Variants in DAB1 observed in about 807,000 individuals in gnomAD.
The protein encoded by DAB1 is DAB adaptor protein 1.
DAB1 carries 15 observed loss-of-function variants against 64.6 expected under a neutral mutation model. The observed-to-expected ratio is 0.23, with a 90% CI of 0.16 to 0.36. The LOEUF (loss-of-function observed/expected upper bound fraction) is 0.36. Ranked by LOEUF, DAB1 falls within the 10% of genes least tolerant of loss-of-function variation. DAB1 has a pLI of 1.00. For synonymous variants in DAB1, 235 were observed against 251.9 expected, an observed-to-expected ratio of 0.93 and a Z score of 0.64; for missense variants, 596 against 706.7, an observed-to-expected ratio of 0.84 and a Z score of 1.78.
chr1:58,384,562 G>A (rs1411291464), intron 3 of DAB1, among the ~76,000 whole-genome samples: 2 of 152,208 alleles, frequency 1.3e-5, no homozygotes, highest in Non-Finnish European at 2.9e-5. Context: ...TATATATGAA[G>A]GGGAGTTTAT....
intron 5 of DAB1, among the ~76,000 whole-genome samples, chr1:58,021,735 T>C (rs1646818023): frequency 6.6e-6 from 1 of 152,070 alleles, no homozygotes; most frequent in African/African-American, 2.4e-5. Flanking sequence ...TGGAGGTAAA[T>C]GTAGATGTGG....
chr1:57,417,007 C>T (rs1446516024), intron 1 of DAB1, among the ~76,000 whole-genome samples: 4 of 151,962 alleles, frequency 2.6e-5, no homozygotes, highest in Admixed American at 6.6e-5. Flanking sequence ...ATTATATATA[C>T]AGTAATGAGC....
At chr1:57,562,092 G>C (rs1002485378) in intron 7 of DAB1, among the ~76,000 whole-genome samples, 4 of 152,234 alleles carry the variant, frequency 2.6e-5, no homozygotes, top group African/African-American at 9.6e-5. Context: ...AGTGTGGCAG[G>C]CCAGGTGCAG....
In DAB1 at chr1:57,695,376, G is replaced by GA. The variant is rs1402626835; in HGVS notation, n.552-45712dup. 9.4e-3 allele frequency among the ~76,000 whole-genome samples: 576 copies of GA among 61,320 alleles called. 3 individuals are homozygous for GA. The highest frequency in any genetic ancestry group is 0.015 in the Middle Eastern group (2 of 136). 40.2% of individuals were successfully genotyped at this position (61,320 alleles called of 152,430 possible). On this transcript the variant is annotated intron_variant and non_coding_transcript_variant, in intron 6 of 20. Transcript: ENST00000485760. Reference sequence around the variant, plus strand: ...AGAAAAGAAAGAAGAAAGAAAGAAAGAAAGAAAGAAAGAAAGAAAGAAAGA... The same window carrying GA: ...AGAAAAGAAAGAAGAAAGAAAGAAAGAAAAGAAAGAAAGAAAGAAAGAAAGA...
At chr1:58,507,637 T>C (rs1049115637) in intron 2 of DAB1, among the ~76,000 whole-genome samples, 8 of 151,972 alleles carry the variant, frequency 5.3e-5, no homozygotes, top group African/African-American at 1.2e-4. Flanking sequence ...CAAACATAAA[T>C]ATTATTCATG....
intron 4 of DAB1, among the ~76,000 whole-genome samples, chr1:58,270,336 T>C (rs1431977592): frequency 1.3e-5 from 2 of 148,522 alleles, no homozygotes; most frequent in African/African-American, 2.5e-5. Flanking sequence ...TAGTTGTAGA[T>C]ATGCGGCGTT....
At chr1:57,288,163 T>C (rs1170476317) in intron 2 of DAB1, among the ~76,000 whole-genome samples, 1 of 152,194 alleles carries the variant, frequency 6.6e-6, no homozygotes, top group Non-Finnish European at 1.5e-5. Context: ...TAATTGTTTA[T>C]CACTGTTTCA....
chr1:58,457,354 G>T (rs1459478111), intron 3 of DAB1, among the ~76,000 whole-genome samples: 1 of 152,116 alleles, frequency 6.6e-6, no homozygotes, highest in Non-Finnish European at 1.5e-5. Flanking sequence ...GACAGGCACG[G>T]TATTTCGGGG....
chr1:58,288,566 T>C (rs1007162041), intron 4 of DAB1, among the ~76,000 whole-genome samples: 1 of 152,234 alleles, frequency 6.6e-6, no homozygotes, highest in African/African-American at 2.4e-5. Context: ...CCCAGCCATA[T>C]GTACACAGTC....
At chr1:58,481,591 A>G (rs1645483362) in intron 3 of DAB1, among the ~76,000 whole-genome samples, 2 of 152,202 alleles carry the variant, frequency 1.3e-5, no homozygotes, top group South Asian at 2.1e-4. Context: ...AAAGATATAC[A>G]TAACTGATAC....
intron 1 of DAB1, among the ~76,000 whole-genome samples, chr1:57,320,582 C>T (rs747893552): frequency 5.9e-5 from 9 of 152,104 alleles, no homozygotes; most frequent in Non-Finnish European, 1.2e-4. Flanking sequence ...GGATCTCTTG[C>T]TCAGAGAGAA....
At chr1:57,111,605 A>G (rs1655663082) in intron 4 of DAB1, among the ~76,000 whole-genome samples, 2 of 152,150 alleles carry the variant, frequency 1.3e-5, no homozygotes, top group Non-Finnish European at 2.9e-5. Flanking sequence ...CAGAGACACC[A>G]TCCCTGTCTC....
At chr1:57,306,596 C>T (rs545625782) in intron 1 of DAB1, among the ~76,000 whole-genome samples, 1 of 150,058 alleles carries the variant, frequency 6.7e-6, no homozygotes, top group African/African-American at 2.5e-5. Context: ...CCCCCAGGCT[C>T]CTTGTCTGTT....
intron 1 of DAB1, among the ~76,000 whole-genome samples, chr1:57,292,383 G>A (rs1672845810): frequency 6.6e-6 from 1 of 152,048 alleles, no homozygotes; most frequent in African/African-American, 2.4e-5. Context: ...AAAAGGAAAT[G>A]GCCCAAATGA....
chr1:57,187,601 A>G (rs992694385), intron 2 of DAB1, among the ~76,000 whole-genome samples: 22 of 152,196 alleles, frequency 1.4e-4, no homozygotes, highest in African/African-American at 5.3e-4. Context: ...TGCATTTGCT[A>G]TCTTGTTCTT....
chr1:58,042,849 G>A (rs561027408), intron 5 of DAB1, among the ~76,000 whole-genome samples: 17 of 152,298 alleles, frequency 1.1e-4, no homozygotes, highest in South Asian at 2.1e-4. Context: ...TAAGTGAGGC[G>A]GAGGGGAGGC....
At chr1:57,139,197 T>C (rs1416188461) in intron 3 of DAB1, among the ~76,000 whole-genome samples, 1 of 151,568 alleles carries the variant, frequency 6.6e-6, no homozygotes, top group African/African-American at 2.4e-5. Context: ...TACCGGGAGG[T>C]GATTAAGTGA....
chr1:57,160,323 C>T (rs892868863), intron 2 of DAB1, among the ~76,000 whole-genome samples: 1 of 152,136 alleles, frequency 6.6e-6, no homozygotes, highest in South Asian at 2.1e-4. Flanking sequence ...CATTATTAAT[C>T]CCTTCTTATA....
In DAB1 at chr1:57,533,995, C is replaced by A. The variant is rs376342098; in HGVS notation, n.625+115597G>T. Among the ~76,000 whole-genome samples the A allele has an allele frequency of 3.0e-4, 45 of 152,174 alleles. No homozygotes were observed. In the East Asian group the frequency reaches 6.2e-3, roughly 21 times the overall value. ...TTCAAAGTAGAAGCATGAAGAATAC[C>A]TCAGTTCTGAATACCTCTACATTGT... On this transcript the variant is annotated intron_variant and non_coding_transcript_variant, in intron 7 of 20. Coordinates refer to the DAB1 transcript ENST00000485760.
Sources: gnomAD v4.1 joint callset for allele counts (sites outside exome capture counted in the v4.1 genomes callset) on GRCh38, gnomAD v4.1.1 for gene constraint, MANE v1.5 for transcripts, NCBI Gene and HGNC (gene_info 2026-07-23, HGNC 2026-07-21) for gene names.